The following SSBP3 variants were observed in gnomAD, a reference collection of about 807,000 sequenced individuals.
SSBP3 encodes the protein single stranded DNA binding protein 3, also known as single-stranded DNA-binding protein 3.
In SSBP3, 5 loss-of-function variants were observed where a neutral mutation model predicts 69.6. The ratio of observed to expected loss-of-function variants is 0.07; its 90% CI spans 0.04 to 0.15. SSBP3 has a LOEUF of 0.15. Among genes scored for constraint, SSBP3 ranks in the 10% least tolerant of loss-of-function variants. SSBP3 has a pLI of 1.00. For missense variants in SSBP3, 312 were observed against 534.0 expected, an observed-to-expected ratio of 0.58 and a Z score of 4.10; for synonymous variants, 196 against 193.4, an observed-to-expected ratio of 1.01 and a Z score of -0.11.
upstream of SSBP3, among the ~76,000 whole-genome samples, chr1:54,408,591 C>T (rs1191930854): frequency 6.6e-6 from 1 of 152,206 alleles, no homozygotes; most frequent in African/African-American, 2.4e-5. Flanking sequence ...ATTGGCCATG[C>T]CCTTATCAAC....
At chr1:54,268,802 G>T (rs1232836570) in intron 5 of SSBP3, among the ~76,000 whole-genome samples, 1 of 152,204 alleles carries the variant, frequency 6.6e-6, no homozygotes, top group Admixed American at 6.5e-5. Flanking sequence ...GATGTGGGAG[G>T]TCGGGCCCAC....
At chr1:54,406,838 C>T (rs1270331491), upstream of SSBP3, among the ~76,000 whole-genome samples, 1 of 151,622 alleles carries the variant, frequency 6.6e-6, no homozygotes, top group Non-Finnish European at 1.5e-5. Flanking sequence ...CTTATCTGCC[C>T]CTCAGCTCCC....
At chr1:54,371,730 A>G (rs912341904) in intron 4 of SSBP3, among the ~76,000 whole-genome samples, 1 of 152,230 alleles carries the variant, frequency 6.6e-6, no homozygotes, top group Admixed American at 6.5e-5. Flanking sequence ...CCGGTGCTGC[A>G]CTGGGCACCG....
At chr1:54,246,105 G>GC (rs1644729866) in intron 9 of SSBP3, among the ~76,000 whole-genome samples, 1 of 152,208 alleles carries the variant, frequency 6.6e-6, no homozygotes, top group South Asian at 2.1e-4. Flanking sequence ...GGGACAAAGA[G>GC]CCCCATGTGT....
intron 4 of SSBP3, among the ~76,000 whole-genome samples, chr1:54,382,031 TA>T (rs1407500236): frequency 6.6e-6 from 1 of 152,144 alleles, no homozygotes; most frequent in African/African-American, 2.4e-5. Context: ...CCATCGCTAC[TA>T]AAAATACAAA....
In SSBP3 at chr1:54,230,749, T is replaced by C. The variant is rs113250097; in HGVS notation, c.928-1923A>G. 3.4e-3 allele frequency among the ~76,000 whole-genome samples: 516 copies of C among 152,310 alleles called. 3 individuals are homozygous for C. The highest frequency in any genetic ancestry group is 0.012 in the African/African-American group (483 of 41,548). ...TCCATGGATTTGCCTATCCTGGACATGTCATATACATAGAATCACGTGAGC... is the reference window on the plus strand; with the variant it reads ...TCCATGGATTTGCCTATCCTGGACACGTCATATACATAGAATCACGTGAGC... On this transcript the variant is annotated intron_variant, in intron 14 of 17. Coordinates refer to ENST00000610401, the Ensembl canonical transcript of SSBP3.
At chr1:54,290,607 C>G (rs1645586708) in intron 4 of SSBP3, among the ~76,000 whole-genome samples, 1 of 152,220 alleles carries the variant, frequency 6.6e-6, no homozygotes, top group Admixed American at 6.5e-5. Context: ...CCAGGAAGCA[C>G]CCGGCTTCTT....
At chr1:54,321,463 C>T (rs537623827) in intron 4 of SSBP3, among the ~76,000 whole-genome samples, 1 of 152,342 alleles carries the variant, frequency 6.6e-6, no homozygotes, top group South Asian at 2.1e-4. Context: ...GCTACCATCC[C>T]GAAAGCTCTC....
intron 5 of SSBP3, among the ~76,000 whole-genome samples, chr1:54,279,423 C>A (rs1383427425): frequency 6.6e-6 from 1 of 152,242 alleles, no homozygotes; most frequent in African/African-American, 2.4e-5. Context: ...GCCCACAGAT[C>A]AGGCAGACCT....
upstream of SSBP3, among the ~76,000 whole-genome samples, chr1:54,406,784 C>G (rs946807955): frequency 6.6e-6 from 1 of 151,656 alleles, no homozygotes; most frequent in African/African-American, 2.4e-5. Flanking sequence ...GGGCGCAGAC[C>G]CCCAAGCGGT....
At chr1:54,240,884 T>G (rs1254648619) in intron 13 of SSBP3, 21 bp downstream of exon 13, 1 of 1,612,574 alleles carries the variant, frequency 6.2e-7, no homozygotes, top group East Asian at 2.2e-5. Context: ...GACCCCCCAC[T>G]TTCCCCTCAA....
At chr1:54,246,068 C>A (rs1644729279) in intron 9 of SSBP3, among the ~76,000 whole-genome samples, 1 of 152,212 alleles carries the variant, frequency 6.6e-6, no homozygotes, top group Non-Finnish European at 1.5e-5. Flanking sequence ...ACAATCCCCT[C>A]TGCTGTGCTG....
At chr1:54,247,083 ACT>A (rs1644747092) in intron 9 of SSBP3, among the ~76,000 whole-genome samples, 1 of 152,222 alleles carries the variant, frequency 6.6e-6, no homozygotes, top group African/African-American at 2.4e-5. Flanking sequence ...CACAGGGGCC[ACT>A]GTCTCAGCTT....
intron 4 of SSBP3, among the ~76,000 whole-genome samples, chr1:54,319,925 A>T (rs936645908): frequency 6.6e-6 from 1 of 152,156 alleles, no homozygotes; most frequent in African/African-American, 2.4e-5. Context: ...CTGGCTTCAA[A>T]CTCACTGTCT....
intron 14 of SSBP3, among the ~76,000 whole-genome samples, chr1:54,233,522 G>A (rs1198690214): frequency 1.2e-4 from 18 of 149,282 alleles, no homozygotes; most frequent in Admixed American, 2.7e-4. Context: ...CAGCCGCCCC[G>A]TCCGGGAGGG....
intron 4 of SSBP3, among the ~76,000 whole-genome samples, chr1:54,370,594 T>C (rs989453890): frequency 3.3e-5 from 5 of 152,318 alleles, no homozygotes; most frequent in African/African-American, 1.2e-4. Flanking sequence ...TAAAGCCACC[T>C]GCGTTTTTAT....
chr1:54,400,829 A>G (rs1289661636), intron 4 of SSBP3, among the ~76,000 whole-genome samples: 1 of 152,146 alleles, frequency 6.6e-6, no homozygotes, highest in Non-Finnish European at 1.5e-5. Flanking sequence ...CTCTTAGCCA[A>G]TTTCCACCTC....
rs2100624693 is a variant in SSBP3, at chr1:54,239,270, TG to T, written c.857-72del. Reference sequence around the variant, plus strand: ...CTTAATTAAAACAAACTCATGGCACTGGAACTCATTCTTTTGTATTTTATAA... The same window carrying T: ...CTTAATTAAAACAAACTCATGGCACTGAACTCATTCTTTTGTATTTTATAA... On this transcript the variant is annotated intron_variant, in intron 13 of 17. Transcript: ENST00000610401. The T allele has an allele frequency of 1.3e-5, 16 of 1,202,518 alleles. 1 individual carries two copies. In the South Asian group the frequency reaches 2.2e-4, roughly 17 times the overall value. 74.5% of individuals were successfully genotyped at this position (1,202,518 alleles called of 1,614,324 possible). A position where few individuals can be genotyped will look rare whatever the true frequency, so the allele number is the denominator to read the frequency against.
intron 14 of SSBP3, among the ~76,000 whole-genome samples, chr1:54,231,663 G>A (rs1407445535): frequency 4.6e-5 from 7 of 152,068 alleles, no homozygotes; most frequent in Non-Finnish European, 1.0e-4. Context: ...CTAACATTTA[G>A]ATCTATGGTC....
Sources: gnomAD v4.1 joint callset for allele counts (sites outside exome capture counted in the v4.1 genomes callset) on GRCh38, gnomAD v4.1.1 for gene constraint, MANE v1.5 for transcripts, NCBI Gene and HGNC (gene_info 2026-07-23, HGNC 2026-07-21) for gene names.